The following TSEN2 variants were observed in gnomAD, a reference collection of about 807,000 sequenced individuals.
TSEN2 encodes tRNA-splicing endonuclease subunit Sen2.
In TSEN2, 54 loss-of-function variants were observed where a neutral mutation model predicts 59.2. The ratio of observed to expected loss-of-function variants is 0.91; its 90% CI spans 0.73 to 1.14. TSEN2 has a LOEUF of 1.14. Ranked by LOEUF, TSEN2 falls within the 50% of genes most tolerant of loss-of-function variation. The pLI is 0.00. For synonymous variants in TSEN2, 195 were observed against 198.2 expected (o/e 0.98, Z 0.14); for missense variants, 636 against 576.2 (o/e 1.10, Z -1.06).
At chr3:12,502,970 C>G (rs981376821) in intron 4 of TSEN2, among the ~76,000 whole-genome samples, 16 of 151,938 alleles carry the variant, frequency 1.1e-4, no homozygotes, top group African/African-American at 3.6e-4. Flanking sequence ...TACTTGGAGG[C>G]TGAGGCACAA....
Position 12,533,283 on chromosome 3 carries a change from A to G in TSEN2, c.*562A>G, listed in dbSNP as rs2057577394. On this transcript the variant is annotated 3_prime_UTR_variant, in exon 12 of 12. Coordinates refer to ENST00000284995, the MANE Select transcript of TSEN2 (RefSeq NM_025265.4). ...TAATGAAAGCGATTAACATTTGGCAAAATATAATAAAGCCTTTTTGTAATT... is the reference window on the plus strand; with the variant it reads ...TAATGAAAGCGATTAACATTTGGCAGAATATAATAAAGCCTTTTTGTAATT... 1 of 155,554 alleles carries G rather than the reference A, an allele frequency of 6.4e-6. No homozygotes were observed. The highest frequency in any genetic ancestry group is 2.4e-5 in the African/African-American group (1 of 41,488). The allele number at this position is 155,554 out of a possible 1,614,324, so 9.6% of individuals were successfully genotyped here.
At chr3:12,504,791 G>A (rs1007040140) in intron 5 of TSEN2, among the ~76,000 whole-genome samples, 21 of 152,114 alleles carry the variant, frequency 1.4e-4, no homozygotes, top group African/African-American at 4.8e-4. Flanking sequence ...GGCTGAAGCG[G>A]GAGGGTTGCT....
intron 2 of TSEN2, among the ~76,000 whole-genome samples, chr3:12,491,558 C>G (rs756670118): frequency 6.6e-6 from 1 of 152,160 alleles, no homozygotes; most frequent in Non-Finnish European, 1.5e-5. Context: ...TGCCTGCCCT[C>G]GGCTTATCAG....
downstream of TSEN2, among the ~76,000 whole-genome samples, chr3:12,535,151 G>A (rs1015006992): frequency 6.6e-6 from 1 of 151,938 alleles, no homozygotes; most frequent in African/African-American, 2.4e-5. Flanking sequence ...CCCTTGTGGA[G>A]AATTACTTGG....
intron 6 of TSEN2, among the ~76,000 whole-genome samples, chr3:12,512,399 A>G (rs1009927597): frequency 4.6e-5 from 7 of 152,252 alleles, no homozygotes; most frequent in African/African-American, 9.6e-5. Context: ...TTGAATTGAT[A>G]TAACAGCTAA....
At chr3:12,513,759 AC>A (rs1391349272) in intron 6 of TSEN2, among the ~76,000 whole-genome samples, 1 of 152,250 alleles carries the variant, frequency 6.6e-6, no homozygotes, top group Non-Finnish European at 1.5e-5. Context: ...CATCTGAAAA[AC>A]AGCAGTATTC....
At chr3:12,494,339 C>T (rs1047332316) in intron 3 of TSEN2, among the ~76,000 whole-genome samples, 1 of 152,152 alleles carries the variant, frequency 6.6e-6, no homozygotes, top group Non-Finnish European at 1.5e-5. Context: ...AAGGAAAGTA[C>T]ATGCTGTGCT....
At chr3:12,481,996 A>C (rs945820306), upstream of TSEN2, among the ~76,000 whole-genome samples, 21 of 152,110 alleles carry the variant, frequency 1.4e-4, no homozygotes, top group African/African-American at 5.1e-4. Context: ...AGAGATACCT[A>C]CTGAAATATC....
At position 12,502,800 on chromosome 3, in the gene TSEN2, G is replaced by A. The variant is rs2054429991; in HGVS notation, c.309-462G>A. Among the ~76,000 whole-genome samples, 2 of 151,184 alleles carry A rather than the reference G, an allele frequency of 1.3e-5. 1 individual carries two copies. The highest frequency in any genetic ancestry group is 4.2e-4 in the South Asian group (2 of 4,774). On this transcript the variant is annotated intron_variant, in intron 4 of 11. Transcript: ENST00000284995. Reference sequence around the variant, plus strand: ...CACTTAGAAAATGCAGAGGCCACACGCGGTGGCTCACACCTGTAATCCCAG... The same window carrying A: ...CACTTAGAAAATGCAGAGGCCACACACGGTGGCTCACACCTGTAATCCCAG...
intron 4 of TSEN2, among the ~76,000 whole-genome samples, chr3:12,501,609 T>C (rs974767289): frequency 2.6e-5 from 4 of 151,602 alleles, no homozygotes; most frequent in African/African-American, 9.8e-5. Context: ...TATGACATAT[T>C]CAGTCTTTTT....
intron 6 of TSEN2, among the ~76,000 whole-genome samples, chr3:12,508,904 A>G (rs951966714): frequency 5.3e-5 from 8 of 152,176 alleles, no homozygotes; most frequent in Non-Finnish European, 1.0e-4. Flanking sequence ...TCTGTTGCCC[A>G]GGCTGGAGTG....
Position 12,529,757 on chromosome 3 carries a change from T to C in TSEN2, c.1137-5T>C, listed in dbSNP as rs2057341402. On this transcript the variant is annotated splice_region_variant and splice_polypyrimidine_tract_variant and intron_variant, in intron 9 of 11. Coordinates refer to ENST00000284995, the MANE Select transcript of TSEN2 (RefSeq NM_025265.4). ...CTTTTAACATGCTTTTTCTGTATTT[T>C]CCAGTTATTCTGTCATTATCGAGCT... The C allele has an allele frequency of 1.9e-6, 3 of 1,613,326 alleles. No homozygotes were observed. Among genetic ancestry groups the C allele is most frequent in the Non-Finnish European group, 8.5e-7 (1 of 1,179,404 alleles).
At chr3:12,536,738 T>G (rs11714245), downstream of TSEN2, among the ~76,000 whole-genome samples, 11,425 of 152,134 alleles carry the variant, frequency 0.075, 488 homozygotes, top group Non-Finnish European at 0.088. Context: ...CGGTGGCTCA[T>G]GCCTATAATC....
chr3:12,511,580 T>TG (rs1398003638), intron 6 of TSEN2, among the ~76,000 whole-genome samples: 1 of 151,556 alleles, frequency 6.6e-6, no homozygotes, highest in Non-Finnish European at 1.5e-5. Flanking sequence ...TTTTTTTTTT[T>TG]TTTTGAGGCA....
chr3:12,502,952 G>A (rs915537658), intron 4 of TSEN2, among the ~76,000 whole-genome samples: 2 of 151,894 alleles, frequency 1.3e-5, no homozygotes, highest in Non-Finnish European at 2.9e-5. Context: ...GATGCCTATA[G>A]TCCCAGCTAC....
chr3:12,531,667 A>G lies in TSEN2; in HGVS notation c.1338+8A>G. The G allele has an allele frequency of 6.4e-7, 1 of 1,560,108 alleles. No individual in the cohort carries two copies. Among genetic ancestry groups the G allele is most frequent in the South Asian group, 1.1e-5 (1 of 89,928 alleles). ...AAAAGGATTAAAGTTCAGGTGGGTA[A>G]ACTCAGAGAAATTCATGTCATCCCA... is the stretch of plus-strand genomic sequence containing the variant. On this transcript the variant is annotated splice_region_variant and intron_variant, in intron 11 of 11. Coordinates refer to ENST00000284995, the MANE Select transcript of TSEN2 (RefSeq NM_025265.4).
At chr3:12,505,316 C>CTG in intron 6 of TSEN2, 85 bp downstream of exon 6, 1 of 852,172 alleles carries the variant, frequency 1.2e-6, no homozygotes, top group Admixed American at 1.8e-5. Context: ...CAGTGTAGTT[C>CTG]TGTATGTAAT....
chr3:12,516,439 AAAATATATGTG>A (rs1559335426), intron 6 of TSEN2, among the ~76,000 whole-genome samples, 161 bp from the exon 7 acceptor site: 384 of 73,952 alleles, frequency 5.2e-3, no homozygotes, highest in Non-Finnish European at 6.5e-3. Context: ...ACAAACAAAC[AAAATATATGTG>A]TGTGTGTGTG....
At chr3:12,518,576 T>C (rs2056350006) in intron 7 of TSEN2, among the ~76,000 whole-genome samples, 1 of 152,204 alleles carries the variant, frequency 6.6e-6, no homozygotes, top group Non-Finnish European at 1.5e-5. Flanking sequence ...GAGCCATGTG[T>C]ATAATTTCAG....
Sources: gnomAD v4.1 joint callset for allele counts (sites outside exome capture counted in the v4.1 genomes callset) on GRCh38, gnomAD v4.1.1 for gene constraint, MANE v1.5 for transcripts, NCBI Gene and HGNC (gene_info 2026-07-23, HGNC 2026-07-21) for gene names.